The following BOD1L1 variants were observed in gnomAD, a reference collection of about 807,000 sequenced individuals.
BOD1L1 encodes biorientation of chromosomes in cell division 1 like 1.
Under a neutral mutation model 240.7 loss-of-function variants are expected in BOD1L1, and 86 were observed. That is an observed-to-expected ratio of 0.36 (90% confidence interval 0.30 to 0.43). The LOEUF (loss-of-function observed/expected upper bound fraction) is 0.43, where lower values mean the gene tolerates loss of function less well. BOD1L1 is among the 20% of genes least tolerant of loss of function. BOD1L1 has a pLI of 1.00. For missense variants in BOD1L1, 3,554 were observed against 3,643.5 expected (o/e 0.98, Z 0.63); for synonymous variants, 1,268 against 1,272.3 (o/e 1.00, Z 0.07).
At chr4:13,605,443 A>G (rs1421937113) in intron 9 of BOD1L1, among the ~76,000 whole-genome samples, 1 of 152,222 alleles carries the variant, frequency 6.6e-6, no homozygotes, top group Non-Finnish European at 1.5e-5. Context: ...ACATCAGGAA[A>G]TTGTAGCTCA....
At chr4:13,597,298 A>C in intron 10 of BOD1L1, 130 bp from the exon 11 acceptor site, 2 of 669,536 alleles carry the variant, frequency 3.0e-6, no homozygotes, top group South Asian at 3.6e-5. Flanking sequence ...TTTTGCTGTC[A>C]GTAGAAAATG....
intron 25 of BOD1L1, chr4:13,572,876 A>G (rs1288584412): frequency 1.6e-6 from 2 of 1,287,224 alleles, no homozygotes. Flanking sequence ...GGGCAATGGT[A>G]GCACTGAATA....
chr4:13,595,850 A>G lies in BOD1L1; in HGVS notation c.8104+10T>C, dbSNP rs746599429. 6.2e-7 allele frequency: 1 copy of G among 1,607,594 alleles called. No homozygotes were observed. Among genetic ancestry groups the G allele is most frequent in the Non-Finnish European group, 8.5e-7 (1 of 1,177,118 alleles). On this transcript the variant is annotated intron_variant, in intron 12 of 25. Coordinates refer to ENST00000040738, the MANE Select transcript of BOD1L1 (RefSeq NM_148894.3). ...AAAAACAATGTGAACAACCATTCTA[A>G]AGAGCTCACCTATTCCACTTGGCTT...
chr4:13,617,407 G>A (rs1716698861), intron 2 of BOD1L1, among the ~76,000 whole-genome samples: 2 of 152,082 alleles, frequency 1.3e-5, no homozygotes, highest in Admixed American at 1.3e-4. Context: ...CTCACACAGA[G>A]GTCAGCTCTA....
At position 13,601,661 on chromosome 4, in the gene BOD1L1, C is replaced by T; in HGVS notation, c.5239G>A (p.Ala1747Thr). 1 of 1,614,038 alleles carries T rather than the reference C, an allele frequency of 6.2e-7. No homozygotes were observed. Among genetic ancestry groups the T allele is most frequent in the Non-Finnish European group, 8.5e-7 (1 of 1,179,902 alleles). The change falls in exon 10 of 26, where the codon GCA (alanine) becomes ACA (threonine). Residue 1747 changes from alanine to threonine, a missense_variant. By Grantham distance (58) the Ala-to-Thr change is moderately conservative. This residue lies in a region of BOD1L1 where 3,393 missense variants were observed against 3,427.1 expected (regional missense o/e 0.99). Transcript: ENST00000040738. Reference sequence around the variant, plus strand: ...ACCATGCGTTCCTCCCGGGGCCCTGCTCCAGTTACTGAGCAGATCACAAAG... The same window carrying T: ...ACCATGCGTTCCTCCCGGGGCCCTGTTCCAGTTACTGAGCAGATCACAAAG... Reference protein sequence around the residue: ...DNFVICSVTGAGPREERMVTG... With the variant: ...DNFVICSVTGTGPREERMVTG...
intron 1 of BOD1L1, chr4:13,623,303 G>A (rs1375054983): frequency 6.6e-6 from 1 of 152,136 alleles, no homozygotes; most frequent in Non-Finnish European, 1.5e-5. Flanking sequence ...TTTGTTGGGT[G>A]AATAAATTGA....
chr4:13,591,154 C>G (rs1714180002), intron 13 of BOD1L1, among the ~76,000 whole-genome samples: 7 of 152,082 alleles, frequency 4.6e-5, no homozygotes. Flanking sequence ...ATCCTCCCAC[C>G]TCAACTTCCT....
intron 12 of BOD1L1, chr4:13,593,283 T>G (rs1480638941): frequency 6.6e-6 from 1 of 152,168 alleles, no homozygotes; most frequent in Non-Finnish European, 1.5e-5. Context: ...TGTAGTGATA[T>G]GCATTATGAA....
Position 13,603,613 on chromosome 4 carries a change from G to A in BOD1L1, c.3287C>T (p.Thr1096Ile). Residue 1096 changes from threonine to isoleucine, a missense_variant, in exon 10 of 26, where the codon ACT becomes ATT. Thr to Ile is a moderately conservative substitution (Grantham distance 89, BLOSUM62 -1). Transcript: ENST00000040738. Reference protein sequence around the residue: ...EEKLAANTLSTPSGSSLQRPK... With the variant: ...EEKLAANTLSIPSGSSLQRPK... Reference sequence around the variant, plus strand: ...TCTCTGAAGGGAGGAACCGCTGGGAGTGCTCAAAGTGTTTGCTGCTAATTT... The same window carrying A: ...TCTCTGAAGGGAGGAACCGCTGGGAATGCTCAAAGTGTTTGCTGCTAATTT... 1 of 1,613,920 alleles carries A rather than the reference G, an allele frequency of 6.2e-7. No homozygotes were observed. Among genetic ancestry groups the A allele is most frequent in the Non-Finnish European group, 8.5e-7 (1 of 1,179,840 alleles).
chr4:13,575,387 T>A (rs956826552), intron 25 of BOD1L1, among the ~76,000 whole-genome samples: 6 of 152,008 alleles, frequency 3.9e-5, no homozygotes, highest in South Asian at 2.1e-4. Flanking sequence ...ATTAAAAAAA[T>A]ATATATTTTT....
chr4:13,600,053 G>T lies in BOD1L1; in HGVS notation c.6847C>A (p.Pro2283Thr). Residue 2283 changes from proline to threonine, a missense_variant, in exon 10 of 26, where the codon CCA (proline) becomes ACA (threonine). Transcript: ENST00000040738. ...GCGGTGTCACCCATCTCTTCCGCTG[G>T]TGTGACTGAGGGGTCGCCTTCCTCT... ...PQEEGDPSVT[P>T]AEEMGDTAMI... The T allele has an allele frequency of 1.2e-6, 2 of 1,612,044 alleles. No individual in the cohort carries two copies. The highest frequency in any genetic ancestry group is 1.7e-6 in the Non-Finnish European group (2 of 1,179,004).
intron 13 of BOD1L1, among the ~76,000 whole-genome samples, chr4:13,590,979 G>T (rs1416067969): frequency 6.6e-6 from 1 of 152,000 alleles, no homozygotes. Context: ...TGGACTCAAG[G>T]GACTGAGGTA....
At chr4:13,622,342 T>C (rs1005594189) in intron 1 of BOD1L1, among the ~76,000 whole-genome samples, 3 of 152,220 alleles carry the variant, frequency 2.0e-5, no homozygotes, top group African/African-American at 4.8e-5. Context: ...ATTTTCCTTG[T>C]TTTCAAGCTC....
At position 13,602,323 on chromosome 4, in the gene BOD1L1, T is replaced by C. The variant is rs1715261375; in HGVS notation, c.4577A>G (p.Lys1526Arg). Residue 1526 changes from lysine to arginine, a missense_variant, in exon 10 of 26, where the codon AAA becomes AGA. This residue lies in a region of BOD1L1 where 3,393 missense variants were observed against 3,427.1 expected (regional missense o/e 0.99). Coordinates refer to ENST00000040738, the MANE Select transcript of BOD1L1 (RefSeq NM_148894.3). ...SVATSTEGKDKDVTLSPVKAG... is the reference protein window; with the variant it reads ...SVATSTEGKDRDVTLSPVKAG... ...CTTCACTGGACTTAAGGTGACATCT[T>C]TGTCCTTCCCTTCAGTACTAGTGGC... 1 of 1,613,874 alleles carries C rather than the reference T, an allele frequency of 6.2e-7. No homozygotes were observed. Among genetic ancestry groups the C allele is most frequent in the South Asian group, 1.1e-5 (1 of 91,088 alleles).
chr4:13,594,187 A>G (rs1183957926), intron 12 of BOD1L1, among the ~76,000 whole-genome samples: 1 of 152,178 alleles, frequency 6.6e-6, no homozygotes, highest in South Asian at 2.1e-4. Context: ...GCAAATGCCT[A>G]TAGAGTTTTT....
chr4:13,581,632 T>C (rs546135651), intron 19 of BOD1L1, among the ~76,000 whole-genome samples: 1 of 152,244 alleles, frequency 6.6e-6, no homozygotes, highest in East Asian at 1.9e-4. Context: ...AACCTGGCAA[T>C]GGTTATCTAG....
chr4:13,599,901 G>A lies in BOD1L1; in HGVS notation c.6999C>T (p.Ser2333=). The stretch of plus-strand genomic sequence containing the variant: ...CGGAAATTGGCATACATTCTGCTGT[G>A]CTGGTGGAGATGATGGCAGCATCGC... ...DLSDAAIIST[S]TAECMPISAS... is the part of the protein sequence containing the mutation. Residue 2333 remains serine (S), a synonymous_variant, in exon 10 of 26, where the codon AGC becomes AGT. Coordinates refer to ENST00000040738, the MANE Select transcript of BOD1L1 (RefSeq NM_148894.3). The A allele has an allele frequency of 6.2e-7, 1 of 1,613,908 alleles. No individual in the cohort carries two copies. The highest frequency in any genetic ancestry group is 8.5e-7 in the Non-Finnish European group (1 of 1,179,850).
chr4:13,614,453 T>C lies in BOD1L1; in HGVS notation c.917A>G (p.Asp306Gly), dbSNP rs770318103. 1 of 1,612,368 alleles carries C rather than the reference T, an allele frequency of 6.2e-7. No individual in the cohort carries two copies. The highest frequency in any genetic ancestry group is 1.7e-5 in the Admixed American group (1 of 59,820). Residue 306 changes from aspartate (D) to glycine (G), a missense_variant, in exon 4 of 26, where the codon GAT becomes GGT. Asp to Gly is a moderately conservative substitution (Grantham distance 94). Around this residue, in one of 2 missense-constraint regions of BOD1L1, gnomAD observed 3,393 missense variants for 3,427.1 expected, o/e 0.99. Transcript: ENST00000040738. ...EHNNLILLNKDVQQESSEQKN... is the reference protein window; with the variant it reads ...EHNNLILLNKGVQQESSEQKN... ...TTGCTCACTGCTTTCCTGTTGAACA[T>C]CCTTATTTAGCAGAATTAAATTATT...
chr4:13,614,799 G>C lies in BOD1L1; in HGVS notation c.571C>G (p.Pro191Ala). 1 of 1,608,552 alleles carries C rather than the reference G, an allele frequency of 6.2e-7. No homozygotes were observed. Among genetic ancestry groups the C allele is most frequent in the Non-Finnish European group, 8.5e-7 (1 of 1,177,868 alleles). Residue 191 changes from proline to alanine, a missense_variant, in exon 4 of 26, where the codon CCT (proline) becomes GCT (alanine). Coordinates refer to ENST00000040738, the MANE Select transcript of BOD1L1 (RefSeq NM_148894.3). ...TSLITQGVPT[P>A]GPSANVANDA... Reference sequence around the variant, plus strand: ...TTGGCTACATTAGCACTGGGCCCAGGAGTAGGAACACCTTAAAGAAAAACA... The same window carrying C: ...TTGGCTACATTAGCACTGGGCCCAGCAGTAGGAACACCTTAAAGAAAAACA...
Sources: gnomAD v4.1 joint callset for allele counts (sites outside exome capture counted in the v4.1 genomes callset) on GRCh38, gnomAD v4.1.1 for gene constraint, gnomAD v4.1.1 regional missense constraint, MANE v1.5 for transcripts, NCBI Gene and HGNC (gene_info 2026-07-23, HGNC 2026-07-21) for gene names.